Variants in OR2V1 observed in about 807,000 individuals in gnomAD.
The protein encoded by OR2V1 is olfactory receptor family 2 subfamily V member 1.
A neutral mutation model predicts 15.0 loss-of-function variants in OR2V1; 18 were observed. That is an observed-to-expected ratio of 1.20 (90% CI 0.83 to 1.78). OR2V1 has a LOEUF of 1.78. Among genes scored for constraint, OR2V1 ranks in the 40% most tolerant of loss-of-function variants. The pLI, the probability that OR2V1 is intolerant of heterozygous loss-of-function variation, is 0.00. For synonymous variants in OR2V1, 144 were observed against 146.1 expected (o/e 0.99, Z 0.10); for missense variants, 359 against 392.9 (o/e 0.91, Z 0.73).
chr5:181,130,104 G>A (rs1762942357), intron 2 of OR2V1, 69 bp downstream of exon 2: 5 of 399,018 alleles, frequency 1.3e-5, no homozygotes, highest in Admixed American at 8.8e-5. Context: ...AAATGGGGAC[G>A]TGAACCAGCA....
intron 3 of OR2V1, among the ~76,000 whole-genome samples, chr5:181,127,797 C>T (rs755172837): frequency 2.0e-5 from 3 of 152,010 alleles, no homozygotes; most frequent in Admixed American, 6.5e-5. Flanking sequence ...CACCCAGCAG[C>T]GAAACAAACC....
rs750728431 is a variant in OR2V1, at chr5:181,125,229, G to C, written c.76C>G (p.Leu26Val). ...LGIFSHSQTD[L>V]VLFSAVMVVF... Reference sequence around the variant, plus strand: ...ACCATAACTGCAGAGAAGAGGACAAGGTCAGTCTGGCTGTGGGAAAAGATG... The same window carrying C: ...ACCATAACTGCAGAGAAGAGGACAACGTCAGTCTGGCTGTGGGAAAAGATG... Residue 26 changes from leucine (L) to valine (V), a missense_variant, in exon 4 of 4, where the codon CTT (leucine) becomes GTT (valine). Leu to Val is a conservative substitution (Grantham distance 32, BLOSUM62 1). Coordinates refer to ENST00000641551, the MANE Select transcript of OR2V1 (RefSeq NM_001258283.2). 1.9e-6 allele frequency: 3 copies of C among 1,614,056 alleles called. No individual in the cohort carries two copies. Among genetic ancestry groups the C allele is most frequent in the Non-Finnish European group, 1.7e-6 (2 of 1,180,026 alleles).
chr5:181,124,089 T>A lies in OR2V1; in HGVS notation c.*268A>T. 2.8e-6 allele frequency: 1 copy of A among 354,898 alleles called. No homozygotes were observed. Among genetic ancestry groups the A allele is most frequent in the Non-Finnish European group, 5.0e-6 (1 of 199,358 alleles). The allele number at this position is 354,898 out of a possible 1,614,324, so 22.0% of individuals were successfully genotyped here. A position where few individuals can be genotyped will look rare whatever the true frequency, so the allele number is the denominator to read the frequency against. ...TGTCATAAACAATCAACAATGACAATAATAGCAGCCGTTGCTTCTTCATGG... is the reference window on the plus strand; with the variant it reads ...TGTCATAAACAATCAACAATGACAAAAATAGCAGCCGTTGCTTCTTCATGG... On this transcript the variant is annotated 3_prime_UTR_variant, in exon 4 of 4. Transcript: ENST00000641551.
chr5:181,129,263 C>T (rs528083488), intron 3 of OR2V1, among the ~76,000 whole-genome samples: 6 of 151,938 alleles, frequency 3.9e-5, no homozygotes, highest in East Asian at 1.9e-4. Flanking sequence ...ATTACCTGGG[C>T]GTGGTGGTGT....
At chr5:181,131,023 C>T (rs999228431) in intron 1 of OR2V1, 27 bp downstream of exon 1, 1 of 152,238 alleles carries the variant, frequency 6.6e-6, no homozygotes, top group Non-Finnish European at 1.5e-5. Context: ...GGTCTACAGC[C>T]TCGTGGGAGG....
rs577698553 is a variant in OR2V1, at chr5:181,128,282, G to A, written c.-22+1238C>T. On this transcript the variant is annotated intron_variant, in intron 3 of 3. Coordinates refer to ENST00000641551, the MANE Select transcript of OR2V1 (RefSeq NM_001258283.2). ...GCAAAACATACCCCCCAGCCAGCACGCATCCCTGCCAGCTCCCACCTGGCC... is the reference window on the plus strand; with the variant it reads ...GCAAAACATACCCCCCAGCCAGCACACATCCCTGCCAGCTCCCACCTGGCC... 3.9e-5 allele frequency among the ~76,000 whole-genome samples: 6 copies of A among 151,914 alleles called. No homozygotes were observed. In the South Asian group the frequency reaches 1.0e-3, roughly 26 times the overall value.
chr5:181,129,275 C>CTTG (rs1762929277), intron 3 of OR2V1, among the ~76,000 whole-genome samples: 1 of 151,936 alleles, frequency 6.6e-6, no homozygotes, highest in Non-Finnish European at 1.5e-5. Context: ...TGGTGGTGTG[C>CTTG]ACCTGTAGTT....
chr5:181,124,594 T>G lies in OR2V1; in HGVS notation c.711A>C (p.Lys237Asn), dbSNP rs151251398. Residue 237 changes from lysine (K) to asparagine (N), a missense_variant, in exon 4 of 4, where the codon AAA becomes AAC. Coordinates refer to ENST00000641551, the MANE Select transcript of OR2V1 (RefSeq NM_001258283.2). ...LRIRSAQAWK[K>N]ALATCSSHLT... is the part of the protein sequence containing the mutation. ...GGTGGGAGGAGCAGGTGGCCAGGGC[T>G]TTTTTCCAGGCCTGAGCAGAGCGTA... 37 of 1,612,524 alleles carry G rather than the reference T, an allele frequency of 2.3e-5. No individual in the cohort carries two copies. The highest frequency in any genetic ancestry group is 2.9e-5 in the Non-Finnish European group (34 of 1,179,240).
At position 181,130,376 on chromosome 5, in the gene OR2V1, C is replaced by A. The variant is rs193065240; in HGVS notation, c.-120-161G>T. 34 of 396,230 alleles carry A rather than the reference C, an allele frequency of 8.6e-5. No individual in the cohort carries two copies. In the East Asian group the frequency reaches 9.6e-4, roughly 11 times the overall value. 24.5% of individuals were successfully genotyped at this position (396,230 alleles called of 1,614,324 possible). A position where few individuals can be genotyped will look rare whatever the true frequency, so the allele number is the denominator to read the frequency against. On this transcript the variant is annotated intron_variant, in intron 1 of 3. Transcript: ENST00000641551. The stretch of plus-strand genomic sequence containing the variant: ...CCACGGCACCCTCAGCCTCCAGTGG[C>A]CCCTCAGGCTCAGAGAGCAAGGCTC...
Position 181,125,202 on chromosome 5 carries a change from C to T in OR2V1, c.103G>A (p.Val35Ile), listed in dbSNP as rs1354449708. Reference protein sequence around the residue: ...DLVLFSAVMVVFTVALCGNVL... With the variant: ...DLVLFSAVMVIFTVALCGNVL... ...TTCCCACAGAGGGCCACTGTGAAGA[C>T]CACCATAACTGCAGAGAAGAGGACA... The change falls in exon 4 of 4, where the codon GTC becomes ATC. Residue 35 changes from valine (V) to isoleucine (I), a missense_variant. Coordinates refer to ENST00000641551, the MANE Select transcript of OR2V1 (RefSeq NM_001258283.2). 3 of 1,613,988 alleles carry T rather than the reference C, an allele frequency of 1.9e-6. No homozygotes were observed. Among genetic ancestry groups the T allele is most frequent in the Non-Finnish European group, 2.5e-6 (3 of 1,180,050 alleles).
chr5:181,128,273 A>G (rs186445885), intron 3 of OR2V1, among the ~76,000 whole-genome samples: 57 of 151,560 alleles, frequency 3.8e-4, no homozygotes, highest in Non-Finnish European at 5.8e-4. Flanking sequence ...CATACCCCCC[A>G]GCCAGCACGC....
chr5:181,130,982 G>C (rs1165869331), intron 1 of OR2V1, 68 bp downstream of exon 1: 1 of 152,370 alleles, frequency 6.6e-6, no homozygotes, highest in African/African-American at 2.4e-5. Context: ...AGCACTGGGT[G>C]GGGGGCTCTG....
Position 181,124,917 on chromosome 5 carries a change from G to T in OR2V1, c.388C>A (p.Pro130Thr). 1 of 1,613,978 alleles carries T rather than the reference G, an allele frequency of 6.2e-7. No individual in the cohort carries two copies. The highest frequency in any genetic ancestry group is 8.5e-7 in the Non-Finnish European group (1 of 1,179,938). The part of the protein sequence containing the change: ...AYDRYVAVSH[P>T]LHYPILMNQR... Reference sequence around the variant, plus strand: ...TTCATGAGGATGGGATAGTGAAGTGGGTGGCTAACGGCCACGTAGCGGTCA... The same window carrying T: ...TTCATGAGGATGGGATAGTGAAGTGTGTGGCTAACGGCCACGTAGCGGTCA... Residue 130 changes from proline to threonine, a missense_variant, in exon 4 of 4, where the codon CCA (proline) becomes ACA (threonine). Coordinates refer to ENST00000641551, the MANE Select transcript of OR2V1 (RefSeq NM_001258283.2).
chr5:181,123,844 A>G lies in OR2V1; in HGVS notation c.*513T>C, dbSNP rs1762832577. 6.6e-6 allele frequency: 1 copy of G among 152,370 alleles called. No individual in the cohort carries two copies. The allele number at this position is 152,370 out of a possible 1,614,324, so 9.4% of individuals were successfully genotyped here. A position where few individuals can be genotyped will look rare whatever the true frequency, so the allele number is the denominator to read the frequency against. On this transcript the variant is annotated 3_prime_UTR_variant, in exon 4 of 4. Coordinates refer to ENST00000641551, the MANE Select transcript of OR2V1 (RefSeq NM_001258283.2). ...GAGTTATAGGGACTCAATTTCTGCC[A>G]TTTAGAAAGTTTCCACTTAAGATAT... is the stretch of plus-strand genomic sequence containing the variant.
In OR2V1 at chr5:181,124,255, T is replaced by C. The variant is rs999933321; in HGVS notation, c.*102A>G. On this transcript the variant is annotated 3_prime_UTR_variant, in exon 4 of 4. Coordinates refer to ENST00000641551, the MANE Select transcript of OR2V1 (RefSeq NM_001258283.2). ...TGGCCAAAACCTATAAACCATCCAA[T>C]GACCATCAACAGGTGAATGGAAACA... The C allele has an allele frequency of 2.7e-6, 3 of 1,129,384 alleles. No individual in the cohort carries two copies. Among genetic ancestry groups the C allele is most frequent in the Admixed American group, 6.0e-5 (2 of 33,150 alleles). 70.0% of individuals were successfully genotyped at this position (1,129,384 alleles called of 1,614,324 possible).
Position 181,124,186 on chromosome 5 carries a change from C to CTT in OR2V1, c.*169_*170dup. The CTT allele has an allele frequency of 1.1e-5, 6 of 527,500 alleles. No homozygotes were observed. The highest frequency in any genetic ancestry group is 1.8e-5 in the Non-Finnish European group (6 of 331,412). The allele number at this position is 527,500 out of a possible 1,614,324, so 32.7% of individuals were successfully genotyped here. A position where few individuals can be genotyped will look rare whatever the true frequency, so the allele number is the denominator to read the frequency against. On this transcript the variant is annotated 3_prime_UTR_variant, in exon 4 of 4. Transcript: ENST00000641551. ...CGAGTGTCCTGATTATCTTTTTTTC[C>CTT]TTTTTTTTTGGTACAGAAATGTTCA...
At chr5:181,130,850 A>G (rs999492483) in intron 1 of OR2V1, among the ~76,000 whole-genome samples, 200 bp downstream of exon 1, 1 of 152,110 alleles carries the variant, frequency 6.6e-6, no homozygotes, top group African/African-American at 2.4e-5. Flanking sequence ...AGCACTTCCC[A>G]GCGACCTCCA....
chr5:181,126,420 C>CCA (rs10532191), intron 3 of OR2V1, among the ~76,000 whole-genome samples: 3,349 of 140,966 alleles, frequency 0.024, 80 homozygotes, highest in Admixed American at 0.05. Flanking sequence ...ACATCACACA[C>CCA]CACACACACA....
At chr5:181,129,838 C>T (rs1490710764) in intron 2 of OR2V1, among the ~76,000 whole-genome samples, 1 of 152,204 alleles carries the variant, frequency 6.6e-6, no homozygotes, top group Non-Finnish European at 1.5e-5. Flanking sequence ...CTGTCCTTGT[C>T]TTCCTGCTGT....
Sources: allele counts gnomAD v4.1 joint callset (sites outside exome capture counted in the v4.1 genomes callset), GRCh38; gene constraint gnomAD v4.1.1; transcripts MANE v1.5; gene names NCBI Gene and HGNC (gene_info 2026-07-23, HGNC 2026-07-21).